OTOGL: variants seen among roughly 807,000 people sequenced by gnomAD.
OTOGL encodes the protein otogelin-like protein.
A neutral mutation model predicts 318.5 loss-of-function variants in OTOGL; 285 were observed. That is an observed-to-expected ratio of 0.89 (90% confidence interval 0.81 to 0.99). OTOGL has a LOEUF of 0.99. Ranked by LOEUF, OTOGL falls within the 50% of genes least tolerant of loss-of-function variation. The pLI is 0.00. For synonymous variants in OTOGL, 987 were observed against 936.5 expected (o/e 1.05, Z -0.99); for missense variants, 2,899 against 2,845.6 (o/e 1.02, Z -0.43).
intron 35 of OTOGL, among the ~76,000 whole-genome samples, chr12:80,328,320 A>G (rs1887833737): frequency 1.3e-4 from 1 of 7,802 alleles, no homozygotes; most frequent in Non-Finnish European, 2.1e-4. Flanking sequence ...CCCTGTCACA[A>G]ACAACAACAA....
intron 1 of OTOGL, among the ~76,000 whole-genome samples, chr12:80,135,493 G>A (rs536604242): frequency 1.4e-4 from 21 of 151,974 alleles, no homozygotes; most frequent in South Asian, 8.3e-4. Flanking sequence ...GGCTGGTCTC[G>A]AACTCCTGCC....
At position 80,278,176 on chromosome 12, in the gene OTOGL, A is replaced by G; in HGVS notation, c.2690A>G (p.Glu897Gly). 1 of 1,545,324 alleles carries G rather than the reference A, an allele frequency of 6.5e-7. No homozygotes were observed. The highest frequency in any genetic ancestry group is 8.7e-7 in the Non-Finnish European group (1 of 1,143,012). Residue 897 changes from glutamate to glycine, a missense_variant, in exon 25 of 59, where the codon GAG (glutamate) becomes GGG (glycine). Glu to Gly is a moderately conservative substitution (Grantham distance 98, BLOSUM62 -2). Around this residue, in one of 3 missense-constraint regions of OTOGL, gnomAD observed 2,607 missense variants for 2,524.9 expected, o/e 1.03. Coordinates refer to ENST00000547103, the MANE Select transcript of OTOGL (RefSeq NM_001378609.3). ...SGCVCAPGMA[E>G]HRGKCYVPES... ...TATTCTTCATTTGGAAGAATGGCAG[A>G]GCACAGAGGAAAGTGTTATGTTCCT...
In OTOGL at chr12:80,354,615, A is replaced by G. The variant is rs574963721; in HGVS notation, c.5593+1105A>G. On this transcript the variant is annotated intron_variant, in intron 46 of 58. Transcript: ENST00000547103. ...TCAAAAGAAAATGAATTGACTAATA[A>G]TTAAAGAAAAAGGCAAGGAGAAGTG... 3.9e-5 allele frequency among the ~76,000 whole-genome samples: 6 copies of G among 152,324 alleles called. No individual in the cohort carries two copies. In the South Asian group the frequency reaches 1.2e-3, roughly 32 times the overall value.
At position 80,380,227 on chromosome 12, in the gene OTOGL, A is replaced by G. The variant is rs578180721; in HGVS notation, c.*2179A>G. 6.6e-6 allele frequency: 1 copy of G among 152,216 alleles called. No individual in the cohort carries two copies. Among genetic ancestry groups the G allele is most frequent in the African/African-American group, 2.4e-5 (1 of 41,572 alleles). The allele number at this position is 152,216 out of a possible 1,614,324, so 9.4% of individuals were successfully genotyped here. On this transcript the variant is annotated 3_prime_UTR_variant, in exon 59 of 59. Transcript: ENST00000547103. ...ATCTTAGATTGGGGAGAGCCATTCTAATTGTGACTCAGTATCCAGATACCC... is the reference window on the plus strand; with the variant it reads ...ATCTTAGATTGGGGAGAGCCATTCTGATTGTGACTCAGTATCCAGATACCC...
chr12:80,252,330 A>G (rs1021829425), intron 13 of OTOGL, 129 bp downstream of exon 13: 2 of 1,079,604 alleles, frequency 1.9e-6, no homozygotes, highest in Admixed American at 3.7e-5. Flanking sequence ...GTTCTTGTAG[A>G]AGTTGGTCCT....
At chr12:80,127,535 G>T (rs200862163) in intron 1 of OTOGL, among the ~76,000 whole-genome samples, 1 of 152,032 alleles carries the variant, frequency 6.6e-6, no homozygotes, top group Non-Finnish European at 1.5e-5. Flanking sequence ...TGCTCTTCTC[G>T]AGGAGTATCT....
At chr12:80,373,957 A>G (rs1891036301) in intron 57 of OTOGL, among the ~76,000 whole-genome samples, 1 of 152,176 alleles carries the variant, frequency 6.6e-6, no homozygotes, top group Non-Finnish European at 1.5e-5. Context: ...ATTTTTATTT[A>G]CATAATGTCT....
chr12:80,136,550 T>C (rs1260926839), intron 1 of OTOGL, among the ~76,000 whole-genome samples: 1 of 152,220 alleles, frequency 6.6e-6, no homozygotes, highest in Non-Finnish European at 1.5e-5. Context: ...TCTAGTTCTC[T>C]CTGTTCTTAC....
At chr12:80,372,924 T>C (rs1005320037) in intron 57 of OTOGL, among the ~76,000 whole-genome samples, 32 of 152,224 alleles carry the variant, frequency 2.1e-4, no homozygotes, top group African/African-American at 7.5e-4. Flanking sequence ...TGGCCTCAAG[T>C]GATCTGCCCA....
chr12:80,130,600 T>C (rs974142883), intron 1 of OTOGL, among the ~76,000 whole-genome samples: 1 of 152,056 alleles, frequency 6.6e-6, no homozygotes, highest in Non-Finnish European at 1.5e-5. Context: ...AGAGAGGGTG[T>C]GGGGATGAGA....
At chr12:80,236,973 C>G (rs942273535) in intron 9 of OTOGL, among the ~76,000 whole-genome samples, 1 of 151,794 alleles carries the variant, frequency 6.6e-6, no homozygotes, top group Admixed American at 6.6e-5. Flanking sequence ...CACCACCATG[C>G]CTGGCTAATT....
chr12:80,114,015 G>A lies in OTOGL; in HGVS notation c.-20+14410G>A, dbSNP rs565419485. On this transcript the variant is annotated intron_variant, in intron 1 of 58. Transcript: ENST00000547103. ...TTTGAGCCTATGTGTGTCTTTGCAC[G>A]TGAGATGGGTCTCCTGAATACAGCA... Among the ~76,000 whole-genome samples, 15 of 151,778 alleles carry A rather than the reference G, an allele frequency of 9.9e-5. No homozygotes were observed. The East Asian group carries it at 1.7e-3, about 18-fold the overall frequency.
At chr12:80,317,071 G>A (rs565346512) in intron 32 of OTOGL, among the ~76,000 whole-genome samples, 102 of 152,212 alleles carry the variant, frequency 6.7e-4, no homozygotes, top group Non-Finnish European at 1.3e-3. Context: ...TATATAATAT[G>A]TTTGTGTTCA....
At chr12:80,273,412 T>C (rs959380396) in intron 24 of OTOGL, among the ~76,000 whole-genome samples, 8 of 152,040 alleles carry the variant, frequency 5.3e-5, no homozygotes, top group Non-Finnish European at 8.8e-5. Context: ...GAGAAATCAC[T>C]GTGGATTGAA....
intron 52 of OTOGL, among the ~76,000 whole-genome samples, chr12:80,360,839 T>A (rs991838459): frequency 6.6e-6 from 1 of 152,074 alleles, no homozygotes; most frequent in African/African-American, 2.4e-5. Flanking sequence ...GTGTTTAATT[T>A]TATTTTTTAT....
chr12:80,207,602 A>C (rs1876910160), intron 1 of OTOGL, among the ~76,000 whole-genome samples: 1 of 152,226 alleles, frequency 6.6e-6, no homozygotes, highest in Non-Finnish European at 1.5e-5. Context: ...TTCATAGTGT[A>C]GGTTAAGTTA....
intron 1 of OTOGL, among the ~76,000 whole-genome samples, chr12:80,145,533 C>T (rs911721188): frequency 7.3e-5 from 11 of 151,602 alleles, no homozygotes; most frequent in South Asian, 2.1e-4. Flanking sequence ...ATTGACTTGG[C>T]GATGCGGGCT....
At chr12:80,189,320 A>T in intron 1 of OTOGL, 1 of 553,434 alleles carries the variant, frequency 1.8e-6, no homozygotes, top group Non-Finnish European at 2.3e-6. Flanking sequence ...CATTGTCTTT[A>T]ACTTAATGTT....
intron 6 of OTOGL, 133 bp downstream of exon 6, chr12:80,220,045 T>C (rs1252401003): frequency 1.4e-6 from 1 of 696,260 alleles, no homozygotes; most frequent in Non-Finnish European, 2.4e-6. Context: ...TCTCAGTAAT[T>C]TGATGTAATT....
Sources: allele counts gnomAD v4.1 joint callset (sites outside exome capture counted in the v4.1 genomes callset), GRCh38; gene constraint gnomAD v4.1.1; regional missense constraint gnomAD v4.1.1; transcripts MANE v1.5; gene names NCBI Gene and HGNC (gene_info 2026-07-23, HGNC 2026-07-21).